Variants in SLC39A11 observed in about 807,000 individuals in gnomAD.
SLC39A11 encodes solute carrier family 39 member 11.
In SLC39A11, 33 loss-of-function variants were observed where a neutral mutation model predicts 36.1. The ratio of observed to expected loss-of-function variants is 0.91; its 90% confidence interval spans 0.69 to 1.22. The LOEUF is 1.22. Ranked by LOEUF, SLC39A11 falls within the 50% of genes most tolerant of loss-of-function variation. SLC39A11 has a pLI of 0.00. For missense variants in SLC39A11, 432 were observed against 430.3 expected (o/e 1.00, Z -0.03); for synonymous variants, 166 against 170.3 (o/e 0.97, Z 0.20).
chr17:72,886,642 G>A (rs1260734638), intron 5 of SLC39A11, among the ~76,000 whole-genome samples: 1 of 152,176 alleles, frequency 6.6e-6, no homozygotes, highest in East Asian at 1.9e-4. Flanking sequence ...ACTTTAGAAT[G>A]TGTGTCAGCT....
chr17:73,045,625 G>A (rs942674615), intron 3 of SLC39A11, among the ~76,000 whole-genome samples: 3 of 152,078 alleles, frequency 2.0e-5, no homozygotes, highest in Non-Finnish European at 4.4e-5. Flanking sequence ...TGAGTTCAAT[G>A]TTCCTCTTCT....
chr17:72,888,770 C>T (rs2081567503), intron 5 of SLC39A11, among the ~76,000 whole-genome samples: 1 of 152,086 alleles, frequency 6.6e-6, no homozygotes, highest in African/African-American at 2.4e-5. Flanking sequence ...GGCATGGTAA[C>T]GTGCACCTGT....
At chr17:72,829,943 G>A (rs1346753164) in intron 6 of SLC39A11, among the ~76,000 whole-genome samples, 2 of 151,928 alleles carry the variant, frequency 1.3e-5, no homozygotes, top group East Asian at 1.9e-4. Flanking sequence ...AGGGGAGGAG[G>A]GGATCGGTGC....
chr17:72,668,137 T>C (rs1420088104), intron 7 of SLC39A11, among the ~76,000 whole-genome samples: 2 of 152,030 alleles, frequency 1.3e-5, no homozygotes, highest in Non-Finnish European at 2.9e-5. Context: ...ACACAGACAA[T>C]GTGAAAGATT....
chr17:72,806,064 A>G (rs1459383997), intron 6 of SLC39A11, among the ~76,000 whole-genome samples: 1 of 152,090 alleles, frequency 6.6e-6, no homozygotes, highest in Admixed American at 6.6e-5. Flanking sequence ...CTTACAGTTA[A>G]TTTGCAACCA....
At chr17:73,046,273 G>C (rs903102) in intron 3 of SLC39A11, among the ~76,000 whole-genome samples, 1 of 151,946 alleles carries the variant, frequency 6.6e-6, no homozygotes, top group Non-Finnish European at 1.5e-5. Flanking sequence ...GTTCTAAATA[G>C]TATTACATTT....
intron 7 of SLC39A11, among the ~76,000 whole-genome samples, chr17:72,715,227 T>C (rs7212105): frequency 0.24 from 36,619 of 152,194 alleles, 6,002 homozygotes; most frequent in African/African-American, 0.47. Context: ...GCAGATAAGA[T>C]GCACCATGAC....
intron 6 of SLC39A11, among the ~76,000 whole-genome samples, chr17:72,745,693 C>A (rs2074906585): frequency 6.6e-6 from 1 of 152,186 alleles, no homozygotes; most frequent in Admixed American, 6.5e-5. Context: ...ATTTGTTCTC[C>A]AACTGGGCCT....
chr17:73,009,354 C>CAAA (rs56818175), intron 4 of SLC39A11, among the ~76,000 whole-genome samples: 6 of 92,552 alleles, frequency 6.5e-5, no homozygotes, highest in South Asian at 3.6e-4. Context: ...GACTCCATCT[C>CAAA]AAAAAAAAAA....
chr17:72,647,715 C>T (rs971375917), intron 9 of SLC39A11, 53 bp from the exon 10 acceptor site: 20 of 1,473,630 alleles, frequency 1.4e-5, no homozygotes, highest in Middle Eastern at 1.7e-4. Flanking sequence ...CCTGAGGCCA[C>T]GGCTAGGCTG....
At chr17:72,868,618 C>CA (rs71354894) in intron 5 of SLC39A11, among the ~76,000 whole-genome samples, 2,645 of 56,488 alleles carry the variant, frequency 0.047, 334 homozygotes, top group Non-Finnish European at 0.061. Context: ...CCTGTCTCTA[C>CA]AAAAAAAAAA....
At chr17:72,786,414 G>A (rs1008348957) in intron 6 of SLC39A11, among the ~76,000 whole-genome samples, 1 of 152,112 alleles carries the variant, frequency 6.6e-6, no homozygotes, top group Non-Finnish European at 1.5e-5. Flanking sequence ...AAAGGCAAAT[G>A]TGCTATATAC....
rs559001221 is a variant in SLC39A11, at chr17:72,670,971, G to A, written c.672-21703C>T. Among the ~76,000 whole-genome samples the A allele has an allele frequency of 3.4e-4, 52 of 152,294 alleles. 1 individual carries two copies. The highest frequency in any genetic ancestry group is 9.9e-4 in the African/African-American group (41 of 41,570). On this transcript the variant is annotated intron_variant, in intron 7 of 9. Coordinates refer to ENST00000255559, the MANE Select transcript of SLC39A11 (RefSeq NM_139177.4). ...TCCATGAAATATACGTACACATACT[G>A]TGACAGTTGCAGATACCAGGATGAA...
chr17:73,091,062 A>G (rs1195787844), intron 1 of SLC39A11, among the ~76,000 whole-genome samples: 2 of 152,224 alleles, frequency 1.3e-5, no homozygotes, highest in Admixed American at 6.5e-5. Context: ...TTTCTGAATC[A>G]GGGTCTGCAT....
intron 5 of SLC39A11, among the ~76,000 whole-genome samples, chr17:72,856,006 C>T (rs991106579): frequency 6.6e-6 from 1 of 151,954 alleles, no homozygotes; most frequent in African/African-American, 2.4e-5. Context: ...TTTACATTCT[C>T]ATATGATGGG....
At chr17:72,977,080 C>T (rs2087906737) in intron 4 of SLC39A11, among the ~76,000 whole-genome samples, 1 of 152,082 alleles carries the variant, frequency 6.6e-6, no homozygotes. Context: ...TTGGGCCTGA[C>T]CTAGTCCCAG....
chr17:72,692,404 A>G (rs1347415282), intron 7 of SLC39A11, among the ~76,000 whole-genome samples: 1 of 152,200 alleles, frequency 6.6e-6, no homozygotes, highest in Non-Finnish European at 1.5e-5. Context: ...CATACCTGAG[A>G]CTGGAAAGAA....
chr17:72,888,929 C>G (rs1005454973), intron 5 of SLC39A11, among the ~76,000 whole-genome samples: 1 of 151,924 alleles, frequency 6.6e-6, no homozygotes, highest in African/African-American at 2.4e-5. Flanking sequence ...AAAGAAAAAA[C>G]GAAAGTGTAG....
At chr17:72,802,119 T>C (rs75607226) in intron 6 of SLC39A11, among the ~76,000 whole-genome samples, 4,854 of 152,260 alleles carry the variant, frequency 0.032, 247 homozygotes, top group African/African-American at 0.11. Flanking sequence ...TCTCTGAATC[T>C]GGCTTCCCTG....
Sources: allele counts gnomAD v4.1 joint callset (sites outside exome capture counted in the v4.1 genomes callset), GRCh38; gene constraint gnomAD v4.1.1; transcripts MANE v1.5; gene names NCBI Gene and HGNC (gene_info 2026-07-23, HGNC 2026-07-21).